The following MYO10 variants were observed in gnomAD, a reference collection of about 807,000 sequenced individuals.
MYO10 encodes the protein unconventional myosin-X.
In MYO10, 133 loss-of-function variants were observed where a neutral mutation model predicts 257.3. That is an observed-to-expected ratio of 0.52 (90% confidence interval 0.45 to 0.60). The LOEUF (loss-of-function observed/expected upper bound fraction) is 0.60, where lower values mean the gene tolerates loss of function less well. Among genes scored for constraint, MYO10 ranks in the 20% least tolerant of loss-of-function variants. The pLI is 0.00. For synonymous variants in MYO10, 1,104 were observed against 1,028.6 expected (o/e 1.07, Z -1.40); for missense variants, 2,399 against 2,635.7 (o/e 0.91, Z 1.97).
At position 16,675,077 on chromosome 5, in the gene MYO10, C is replaced by G. The variant is rs750126416; in HGVS notation, c.4740G>C (p.Glu1580Asp). The change falls in exon 35 of 41, where the codon GAG becomes GAC. Residue 1580 changes from glutamate (E) to aspartate (D), a missense_variant. Transcript: ENST00000513610. ...IKIFNSLQQLESMSDPIPIIQ... is the reference protein window; with the variant it reads ...IKIFNSLQQLDSMSDPIPIIQ... ...TTATTGGAATTGGGTCAGACATGGACTCCAGTTGCTGCAGGGAATTGAATA... is the reference window on the plus strand; with the variant it reads ...TTATTGGAATTGGGTCAGACATGGAGTCCAGTTGCTGCAGGGAATTGAATA... The G allele has an allele frequency of 2.5e-6, 4 of 1,614,000 alleles. No individual in the cohort carries two copies. The Admixed American group carries it at 6.7e-5, about 27-fold the overall frequency.
At chr5:16,758,293 A>AC in intron 17 of MYO10, 67 bp from the exon 18 acceptor site, 2 of 1,064,070 alleles carry the variant, frequency 1.9e-6, no homozygotes, top group Non-Finnish European at 2.9e-6. Context: ...AGATTATTGT[A>AC]ATTAATGGTG....
At chr5:16,838,098 A>C (rs1277567709) in intron 2 of MYO10, among the ~76,000 whole-genome samples, 2 of 152,140 alleles carry the variant, frequency 1.3e-5, no homozygotes, top group Non-Finnish European at 2.9e-5. Context: ...ACAATATTGA[A>C]ATTGGGCCAA....
chr5:16,836,832 T>A lies in MYO10; in HGVS notation c.121-18665A>T, dbSNP rs371512570. On this transcript the variant is annotated intron_variant, in intron 2 of 40. Transcript: ENST00000513610. Reference sequence around the variant, plus strand: ...TACAGTTACCATATGATCCAGCAATTCACTCCTAGATATATACCCAAGAAA... The same window carrying A: ...TACAGTTACCATATGATCCAGCAATACACTCCTAGATATATACCCAAGAAA... 1.8e-4 allele frequency among the ~76,000 whole-genome samples: 27 copies of A among 152,288 alleles called. 1 individual carries two copies. In the East Asian group the frequency reaches 2.1e-3, roughly 12 times the overall value.
intron 9 of MYO10, among the ~76,000 whole-genome samples, chr5:16,776,885 T>C (rs991619919): frequency 2.0e-5 from 3 of 152,206 alleles, no homozygotes; most frequent in Non-Finnish European, 2.9e-5. Flanking sequence ...GACACTGCCA[T>C]GTGGATAATC....
Position 16,935,025 on chromosome 5 carries a change from A to G in MYO10, c.21+763T>C, listed in dbSNP as rs933076275. On this transcript the variant is annotated intron_variant, in intron 1 of 40. Transcript: ENST00000513610. ...ACAACCAAGAAAGGAAAGGGAGCCA[A>G]GAAACCACAGTAAGTCTCGATCCCA... 2.6e-5 allele frequency among the ~76,000 whole-genome samples: 4 copies of G among 152,376 alleles called. No homozygotes were observed. The South Asian group carries it at 8.3e-4, about 32-fold the overall frequency.
rs1309965589 is a variant in MYO10 at position 16,889,809 on chromosome 5, C to T, written c.22-12102G>A. ...AAAAGACCAGCACAAGATGTTTGCA[C>T]TCTGCGTGAAATCTGATACCAGACA... is the stretch of plus-strand genomic sequence containing the variant. On this transcript the variant is annotated intron_variant, in intron 1 of 40. Transcript: ENST00000513610. Among the ~76,000 whole-genome samples, 3 of 151,860 alleles carry T rather than the reference C, an allele frequency of 2.0e-5. No homozygotes were observed. The East Asian group carries it at 5.8e-4, about 29-fold the overall frequency.
In MYO10 at chr5:16,920,231, G is replaced by A. The variant is rs7725188; in HGVS notation, c.21+15557C>T. 4.2e-3 allele frequency among the ~76,000 whole-genome samples: 637 copies of A among 152,194 alleles called. 7 individuals carry two copies. The highest frequency in any genetic ancestry group is 0.014 in the African/African-American group (568 of 41,528). On this transcript the variant is annotated intron_variant, in intron 1 of 40. Coordinates refer to ENST00000513610, the MANE Select transcript of MYO10 (RefSeq NM_012334.3). ...AGAGACTGCAGTGAACCGACATTGC[G>A]CCACTGCACTCCAGCCTGAGTGACA...
chr5:16,788,108 G>A (rs1325327800), intron 4 of MYO10, among the ~76,000 whole-genome samples: 1 of 152,154 alleles, frequency 6.6e-6, no homozygotes, highest in East Asian at 1.9e-4. Flanking sequence ...CATTCTGACT[G>A]TTGCGTGGAG....
chr5:16,747,244 A>C (rs970925056), intron 19 of MYO10, among the ~76,000 whole-genome samples: 14 of 152,172 alleles, frequency 9.2e-5, no homozygotes, highest in Non-Finnish European at 1.6e-4. Context: ...CACCACCCCA[A>C]TACTGACCTA....
chr5:16,845,705 C>A (rs1561015034), intron 2 of MYO10, among the ~76,000 whole-genome samples: 1 of 152,108 alleles, frequency 6.6e-6, no homozygotes, highest in Non-Finnish European at 1.5e-5. Flanking sequence ...GTGGCTCACA[C>A]CTGTAATCTC....
rs947599153 is a variant in MYO10 at position 16,822,951 on chromosome 5, T to G, written c.121-4784A>C. 5.3e-5 allele frequency among the ~76,000 whole-genome samples: 8 copies of G among 152,042 alleles called. No individual in the cohort carries two copies. In the East Asian group the frequency reaches 1.4e-3, roughly 26 times the overall value. ...ATCCGCCCGCCTCGGCCTCCCAAAG[T>G]GCTGGGATTACAGGCGTGAGCCACC... On this transcript the variant is annotated intron_variant, in intron 2 of 40. Transcript: ENST00000513610.
chr5:16,701,651 G>T lies in MYO10; in HGVS notation c.2744C>A (p.Ser915Tyr). The T allele has an allele frequency of 6.2e-7, 1 of 1,613,822 alleles. No individual in the cohort carries two copies. Among genetic ancestry groups the T allele is most frequent in the Non-Finnish European group, 8.5e-7 (1 of 1,179,826 alleles). Residue 915 changes from serine to tyrosine, a missense_variant, in exon 25 of 41, where the codon TCC becomes TAC. By Grantham distance (144) the Ser-to-Tyr change is moderately radical. Transcript: ENST00000513610. The surrounding 1 kb of genome is among the most constrained non-coding windows in gnomAD (Gnocchi z 8.1). ...EQQELSLTEA[S>Y]LQKLQERRDQ... ...CCGCCGCTCCTGCAGCTTCTGCAGG[G>T]AAGCCTCGGTCAGCGACAGCTCCTG...
intron 3 of MYO10, among the ~76,000 whole-genome samples, chr5:16,812,797 T>TG (rs1742480334): frequency 6.6e-6 from 1 of 152,228 alleles, no homozygotes; most frequent in South Asian, 2.1e-4. Flanking sequence ...TTATGATATC[T>TG]GACCTTTGAA....
chr5:16,703,905 A>C (rs1468741531), intron 22 of MYO10, among the ~76,000 whole-genome samples: 1 of 138,998 alleles, frequency 7.2e-6, no homozygotes, highest in Non-Finnish European at 1.5e-5. Flanking sequence ...AAAAAAAAAA[A>C]AGAAGTCACC....
intron 3 of MYO10, among the ~76,000 whole-genome samples, chr5:16,802,379 C>G (rs1742145547): frequency 6.6e-6 from 1 of 151,810 alleles, no homozygotes; most frequent in Non-Finnish European, 1.5e-5. Flanking sequence ...AAAATAGGAG[C>G]CGGGTGCAGT....
chr5:16,755,201 TATCACC>T (rs1233219936), intron 18 of MYO10, among the ~76,000 whole-genome samples: 1 of 152,258 alleles, frequency 6.6e-6, no homozygotes, highest in Non-Finnish European at 1.5e-5. Flanking sequence ...AGTCTCGCTC[TATCACC>T]CAGGCTGGAG....
chr5:16,882,514 A>G lies in MYO10; in HGVS notation c.22-4807T>C, dbSNP rs537469038. Among the ~76,000 whole-genome samples, 3 of 152,336 alleles carry G rather than the reference A, an allele frequency of 2.0e-5. No individual in the cohort carries two copies. In the South Asian group the frequency reaches 6.2e-4, roughly 32 times the overall value. On this transcript the variant is annotated intron_variant, in intron 1 of 40. Coordinates refer to ENST00000513610, the MANE Select transcript of MYO10 (RefSeq NM_012334.3). ...ACTGGAAACAATTCAAAGGTCTAGT[A>G]ACTGGTATAGAGATACTCAGAATAA...
At position 16,698,687 on chromosome 5, in the gene MYO10, G is replaced by A. The variant is rs576744990; in HGVS notation, c.3556+763C>T. ...CGCCCAGGCTGGGGTGCAGTGGCGC[G>A]ATCTCGGCTCACTGCAAGCTCCGCC... On this transcript the variant is annotated intron_variant, in intron 26 of 40. Coordinates refer to ENST00000513610, the MANE Select transcript of MYO10 (RefSeq NM_012334.3). Among the ~76,000 whole-genome samples the A allele has an allele frequency of 1.6e-3, 215 of 137,118 alleles. 12 individuals are homozygous for A. The highest frequency in any genetic ancestry group is 6.6e-3 in the African/African-American group (206 of 31,060). The allele number at this position is 137,118 out of a possible 152,430, so 90.0% of individuals were successfully genotyped here.
At chr5:16,817,058 T>C (rs1204722466) in intron 3 of MYO10, among the ~76,000 whole-genome samples, 2 of 152,044 alleles carry the variant, frequency 1.3e-5, no homozygotes, top group African/African-American at 2.4e-5. Flanking sequence ...GACCTCGTGA[T>C]CCGCCCACCT....
Sources: gnomAD v4.1 joint callset for allele counts (sites outside exome capture counted in the v4.1 genomes callset) on GRCh38, gnomAD v4.1.1 for gene constraint, Gnocchi (gnomAD v3.1) non-coding constraint, MANE v1.5 for transcripts, NCBI Gene and HGNC (gene_info 2026-07-23, HGNC 2026-07-21) for gene names.